ZNF609: variants seen among roughly 807,000 people sequenced by gnomAD.
The protein encoded by ZNF609 is zinc finger protein 609.
In ZNF609, 11 loss-of-function variants were observed where a neutral mutation model predicts 109.5. That is an observed-to-expected ratio of 0.10 (90% confidence interval 0.06 to 0.17). The LOEUF (loss-of-function observed/expected upper bound fraction) is 0.17. Ranked by LOEUF, ZNF609 falls within the 10% of genes least tolerant of loss-of-function variation. ZNF609 has a pLI of 1.00. For missense variants in ZNF609, 1,559 were observed against 1,772.4 expected (o/e 0.88, Z 2.16); for synonymous variants, 646 against 662.0 (o/e 0.98, Z 0.37).
chr15:64,614,820 T>TC (rs1895773806), intron 2 of ZNF609, among the ~76,000 whole-genome samples: 1 of 142,022 alleles, frequency 7.0e-6, no homozygotes, highest in African/African-American at 2.6e-5. Flanking sequence ...CTTTTTTTTT[T>TC]TTTTTTTTTT....
intron 2 of ZNF609, among the ~76,000 whole-genome samples, chr15:64,571,168 A>G (rs1322562966): frequency 6.6e-6 from 1 of 152,232 alleles, no homozygotes; most frequent in Non-Finnish European, 1.5e-5. Flanking sequence ...TAGGGTGTTT[A>G]TCCAAGAGGG....
chr15:64,482,104 A>G (rs1026029150), intron 1 of ZNF609, among the ~76,000 whole-genome samples: 1 of 152,160 alleles, frequency 6.6e-6, no homozygotes, highest in Non-Finnish European at 1.5e-5. Flanking sequence ...TAAAAAAGAT[A>G]TGTTATAATG....
chr15:64,536,916 GAAAAAA>G (rs60594462), intron 2 of ZNF609, among the ~76,000 whole-genome samples: 1 of 55,400 alleles, frequency 1.8e-5, no homozygotes, highest in Non-Finnish European at 3.1e-5. Context: ...TCTCAAAAAA[GAAAAAA>G]AAAAAAAAAA....
At chr15:64,627,494 T>C (rs959312572) in intron 3 of ZNF609, among the ~76,000 whole-genome samples, 2 of 152,090 alleles carry the variant, frequency 1.3e-5, no homozygotes, top group East Asian at 3.9e-4. Context: ...ATTTATGGTA[T>C]AGTGGAAGGA....
chr15:64,521,098 T>C (rs1893884598), intron 2 of ZNF609, among the ~76,000 whole-genome samples: 2 of 152,296 alleles, frequency 1.3e-5, no homozygotes, highest in South Asian at 2.1e-4. Context: ...GAGAATGTAG[T>C]CCCCAGAGAA....
chr15:64,596,711 C>T (rs942815719), intron 2 of ZNF609, among the ~76,000 whole-genome samples: 4 of 152,162 alleles, frequency 2.6e-5, no homozygotes, highest in Non-Finnish European at 5.9e-5. Context: ...TCGTTTACCA[C>T]CTATACTCAG....
intron 2 of ZNF609, among the ~76,000 whole-genome samples, chr15:64,586,187 G>C (rs550153004): frequency 6.6e-6 from 1 of 151,998 alleles, no homozygotes; most frequent in Non-Finnish European, 1.5e-5. Context: ...TTAGCCGGGC[G>C]TGGTGGCACG....
chr15:64,565,427 T>C (rs1240553546), intron 2 of ZNF609, among the ~76,000 whole-genome samples: 1 of 152,164 alleles, frequency 6.6e-6, no homozygotes, highest in African/African-American at 2.4e-5. Context: ...GTTTTGCTTG[T>C]CTTTAAGTGC....
At chr15:64,652,820 T>C (rs1896438244) in intron 3 of ZNF609, 1 of 152,514 alleles carries the variant, frequency 6.6e-6, no homozygotes. Context: ...AAGTGCGAGC[T>C]ACCGCACCTA....
chr15:64,652,771 A>G (rs1298454290), intron 3 of ZNF609: 1 of 152,274 alleles, frequency 6.6e-6, no homozygotes, highest in African/African-American at 2.4e-5. Context: ...GGACTCAAGC[A>G]GTCCTCCTGC....
chr15:64,646,489 C>A (rs1016590116), intron 3 of ZNF609, among the ~76,000 whole-genome samples: 2 of 148,896 alleles, frequency 1.3e-5, no homozygotes, highest in African/African-American at 5.0e-5. Flanking sequence ...AAAAAATTAG[C>A]CAAGTTTGGT....
chr15:64,659,509 C>T (rs1251702022), intron 3 of ZNF609, among the ~76,000 whole-genome samples: 1 of 152,146 alleles, frequency 6.6e-6, no homozygotes, highest in Non-Finnish European at 1.5e-5. Flanking sequence ...AAGGGAAAGA[C>T]TACTGCAGAA....
intron 3 of ZNF609, among the ~76,000 whole-genome samples, chr15:64,652,288 T>C (rs1471265187): frequency 6.6e-6 from 1 of 152,116 alleles, no homozygotes; most frequent in African/African-American, 2.4e-5. Flanking sequence ...CCTCCCAAAG[T>C]GCTCAGCTTA....
intron 2 of ZNF609, among the ~76,000 whole-genome samples, chr15:64,551,791 G>T (rs539973888): frequency 1.3e-5 from 2 of 149,514 alleles, no homozygotes; most frequent in South Asian, 2.2e-4. Context: ...TTCTTATATC[G>T]CACGTTTTGT....
intron 1 of ZNF609, among the ~76,000 whole-genome samples, chr15:64,476,045 T>G (rs1893165467): frequency 6.6e-6 from 1 of 152,166 alleles, no homozygotes; most frequent in South Asian, 2.1e-4. Context: ...GTACTGTGGT[T>G]CCATACATCC....
intron 2 of ZNF609, among the ~76,000 whole-genome samples, chr15:64,522,803 T>G (rs1244996551): frequency 6.6e-6 from 1 of 152,232 alleles, no homozygotes; most frequent in Non-Finnish European, 1.5e-5. Context: ...TCTTTCATGT[T>G]TTCTTTTCCT....
intron 2 of ZNF609, among the ~76,000 whole-genome samples, chr15:64,531,107 G>A (rs1030891214): frequency 6.6e-6 from 1 of 152,140 alleles, no homozygotes; most frequent in African/African-American, 2.4e-5. Context: ...CATGGAATTA[G>A]ATCAGCAGAA....
intron 1 of ZNF609, among the ~76,000 whole-genome samples, chr15:64,473,950 T>C (rs1893129994): frequency 6.6e-6 from 1 of 151,698 alleles, no homozygotes; most frequent in Admixed American, 6.6e-5. Context: ...AATTTTTGTA[T>C]TTTTAGTAGA....
chr15:64,665,847 G>C (rs942871674), intron 3 of ZNF609, among the ~76,000 whole-genome samples: 1 of 147,904 alleles, frequency 6.8e-6, no homozygotes, highest in Non-Finnish European at 1.5e-5. Context: ...CGGAGGTTGC[G>C]ATGACCCAAG....
Sources: allele counts gnomAD v4.1 joint callset (sites outside exome capture counted in the v4.1 genomes callset), GRCh38; gene constraint gnomAD v4.1.1; transcripts MANE v1.5; gene names NCBI Gene and HGNC (gene_info 2026-07-23, HGNC 2026-07-21).